PCDH11X: variants seen among roughly 807,000 people sequenced by gnomAD.
PCDH11X encodes the protein protocadherin 11 X-linked.
A neutral mutation model predicts 53.3 loss-of-function variants in PCDH11X; 18 were observed. The ratio of observed to expected loss-of-function variants is 0.34; its 90% CI spans 0.23 to 0.50. PCDH11X has a LOEUF of 0.50. Among genes scored for constraint, PCDH11X ranks in the 20% least tolerant of loss-of-function variants. PCDH11X has a pLI of 0.98. For synonymous variants in PCDH11X, 279 were observed against 393.3 expected (o/e 0.71, Z 3.44); for missense variants, 570 against 1,032.4 (o/e 0.55, Z 6.14).
intron 10 of PCDH11X, among the ~76,000 whole-genome samples, chrX:92,497,538 T>C (rs1031317569): frequency 2.7e-5 from 3 of 110,313 alleles, no homozygotes; most frequent in African/African-American, 9.8e-5. Context: ...CAATGTTTGT[T>C]GAATTGAAAT....
At chrX:92,230,340 C>T (rs765287167) in intron 7 of PCDH11X, among the ~76,000 whole-genome samples, 1 of 100,412 alleles carries the variant, frequency 1.0e-5, no homozygotes, top group Non-Finnish European at 2.0e-5. Flanking sequence ...TCCTCTGGAA[C>T]TCAGATTGTT....
At chrX:92,240,706 A>G (rs1016107549) in intron 7 of PCDH11X, among the ~76,000 whole-genome samples, 1 of 112,179 alleles carries the variant, frequency 8.9e-6, no homozygotes, top group Non-Finnish European at 1.9e-5. Flanking sequence ...GTATTTTAAA[A>G]TAAATTTTTA....
chrX:92,159,337 T>TA lies in PCDH11X; in HGVS notation c.3034-42031dup, dbSNP rs1421027585. Among the ~76,000 whole-genome samples, 6 of 108,704 alleles carry TA rather than the reference T, an allele frequency of 5.5e-5. No homozygotes were observed. The South Asian group carries it at 1.6e-3, about 30-fold the overall frequency. The allele number at this position is 108,704 out of a possible 115,157, so 94.4% of individuals were successfully genotyped here. ...GCAAAAATTCAACATGTATTGAATATAAAAAAATATTCTACATAGTGGAGA... is the reference window on the plus strand; with the variant it reads ...GCAAAAATTCAACATGTATTGAATATAAAAAAAATATTCTACATAGTGGAGA... On this transcript the variant is annotated intron_variant, in intron 6 of 10. Transcript: ENST00000682573.
chrX:92,026,718 GA>G (rs1272385791), intron 6 of PCDH11X, among the ~76,000 whole-genome samples: 2 of 81,511 alleles, frequency 2.5e-5, no homozygotes, highest in Non-Finnish European at 4.6e-5. Flanking sequence ...AAGGAGAAAA[GA>G]AAACTTTTAC....
chrX:91,913,687 G>T (rs1371149107), intron 6 of PCDH11X, among the ~76,000 whole-genome samples: 1 of 111,430 alleles, frequency 9.0e-6, no homozygotes, highest in Non-Finnish European at 1.9e-5. Context: ...CAACACCTGA[G>T]AAACCAAAAT....
At chrX:92,588,337 G>A (rs1222423053) in intron 10 of PCDH11X, among the ~76,000 whole-genome samples, 1 of 98,794 alleles carries the variant, frequency 1.0e-5, no homozygotes, top group Non-Finnish European at 2.0e-5. Flanking sequence ...ATTTACTAGT[G>A]GTTGGTGGAT....
intron 8 of PCDH11X, among the ~76,000 whole-genome samples, chrX:92,319,802 A>G (rs1053718550): frequency 3.6e-5 from 4 of 112,075 alleles, no homozygotes; most frequent in African/African-American, 9.7e-5. Flanking sequence ...CAGAGCTGCT[A>G]TTATTATCAT....
intron 6 of PCDH11X, among the ~76,000 whole-genome samples, chrX:92,099,312 T>C (rs1398551637): frequency 9.2e-6 from 1 of 108,241 alleles, no homozygotes; most frequent in Non-Finnish European, 1.9e-5. Context: ...TGTCAGAAAC[T>C]GTGAGAGAGA....
intron 6 of PCDH11X, among the ~76,000 whole-genome samples, chrX:92,121,305 G>A (rs938959518): frequency 9.1e-6 from 1 of 110,293 alleles, no homozygotes; most frequent in Non-Finnish European, 1.9e-5. Context: ...ACAGGCATCC[G>A]CCACCATGCC....
chrX:91,784,413 A>T (rs773228821), intron 1 of PCDH11X, among the ~76,000 whole-genome samples: 15 of 112,328 alleles, frequency 1.3e-4, no homozygotes, highest in Non-Finnish European at 2.1e-4. Context: ...AGGCATCATC[A>T]TCTATCCACT....
At chrX:92,340,663 C>T (rs1326083117) in intron 8 of PCDH11X, among the ~76,000 whole-genome samples, 4 of 112,049 alleles carry the variant, frequency 3.6e-5, no homozygotes, top group Non-Finnish European at 7.5e-5. Flanking sequence ...TGTCCCAAGG[C>T]TATGCAGGGC....
chrX:92,310,779 G>T lies in PCDH11X; in HGVS notation c.3144+47636G>T, dbSNP rs1340564677. Among the ~76,000 whole-genome samples the T allele has an allele frequency of 2.5e-3, 284 of 111,915 alleles. 3 individuals carry two copies. The highest frequency in any genetic ancestry group is 3.7e-3 in the Non-Finnish European group (197 of 53,221). On this transcript the variant is annotated intron_variant, in intron 8 of 10. Coordinates refer to ENST00000682573, the MANE Select transcript of PCDH11X (RefSeq NM_032968.5). ...GAGGATAAGTGTTATCTCCTCAAGAGCATATGAACTCTCTTCCAGTAAAAC... is the reference window on the plus strand; with the variant it reads ...GAGGATAAGTGTTATCTCCTCAAGATCATATGAACTCTCTTCCAGTAAAAC...
chrX:92,305,012 G>A (rs1360520072), intron 8 of PCDH11X, among the ~76,000 whole-genome samples: 1 of 110,807 alleles, frequency 9.0e-6, no homozygotes, highest in Non-Finnish European at 1.9e-5. Flanking sequence ...TAGGAAATTG[G>A]AATATTTGAA....
At chrX:91,848,210 T>TG (rs1937801985) in intron 5 of PCDH11X, among the ~76,000 whole-genome samples, 1 of 108,708 alleles carries the variant, frequency 9.2e-6, no homozygotes, top group Non-Finnish European at 1.9e-5. Context: ...TTTTGTTTTT[T>TG]TTTTTTCTTG....
At chrX:92,166,301 ATAG>A (rs1176659921) in intron 6 of PCDH11X, among the ~76,000 whole-genome samples, 2 of 107,831 alleles carry the variant, frequency 1.9e-5, no homozygotes, top group East Asian at 5.8e-4. Flanking sequence ...TTTTTATAAA[ATAG>A]TATTCTACTT....
chrX:92,170,822 A>G (rs2065812374), intron 6 of PCDH11X, among the ~76,000 whole-genome samples: 1 of 93,991 alleles, frequency 1.1e-5, no homozygotes, highest in Non-Finnish European at 2.2e-5. Context: ...ATGAAGTCTC[A>G]CTCTTGTCCC....
chrX:92,421,636 A>G, intron 9 of PCDH11X, among the ~76,000 whole-genome samples: 1 of 111,830 alleles, frequency 8.9e-6, no homozygotes, highest in East Asian at 2.8e-4. Flanking sequence ...CAATGATGAG[A>G]CTGCTGGGTC....
chrX:92,184,739 G>A (rs945107277), intron 6 of PCDH11X, among the ~76,000 whole-genome samples: 14 of 111,086 alleles, frequency 1.3e-4, no homozygotes, highest in African/African-American at 4.6e-4. Context: ...GGAAAGAATA[G>A]TGTCTTCAAT....
intron 6 of PCDH11X, among the ~76,000 whole-genome samples, chrX:92,032,234 T>C (rs1325956455): frequency 9.1e-6 from 1 of 109,617 alleles, no homozygotes; most frequent in Non-Finnish European, 1.9e-5. Flanking sequence ...TATTCATTTT[T>C]ATTTGTGGCT....
Sources: allele counts gnomAD v4.1 joint callset (sites outside exome capture counted in the v4.1 genomes callset), GRCh38; gene constraint gnomAD v4.1.1; transcripts MANE v1.5; gene names NCBI Gene and HGNC (gene_info 2026-07-23, HGNC 2026-07-21).